CD36: variants seen among roughly 807,000 people sequenced by gnomAD.
CD36 encodes CD36 molecule (CD36 blood group).
In CD36, 119 loss-of-function variants were observed where a neutral mutation model predicts 55.2. The observed-to-expected ratio is 2.15, with a 90% CI of 1.86 to 2.51. The LOEUF is 2.51. Ranked by LOEUF, CD36 falls within the 30% of genes most tolerant of loss-of-function variation. The pLI is 0.00. For missense variants in CD36, 819 were observed against 555.5 expected, an observed-to-expected ratio of 1.47 and a Z score of -4.77; for synonymous variants, 186 against 193.6, an observed-to-expected ratio of 0.96 and a Z score of 0.33.
intron 9 of CD36, chr7:80,670,682 T>C: frequency 2.6e-6 from 1 of 389,186 alleles, no homozygotes; most frequent in Non-Finnish European, 4.7e-6. Context: ...TTTAAACTGA[T>C]CACAAATAAA....
Position 80,673,972 on chromosome 7 carries a change from C to CTTGA in CD36, c.1255-8_1255-5dup, listed in dbSNP as rs1562828126. The CTTGA allele has an allele frequency of 6.2e-7, 1 of 1,607,722 alleles. No individual in the cohort carries two copies. The highest frequency in any genetic ancestry group is 2.2e-5 in the East Asian group (1 of 44,594). ...GTACCCAAATAATGTTGATTATTAA[C>CTTGA]TTGATTACAGACTGGGACCATTGGT... On this transcript the variant is annotated splice_polypyrimidine_tract_variant and intron_variant, in intron 13 of 14. Transcript: ENST00000447544.
rs1264395787 is a variant in CD36, at chr7:80,678,860, T to A, written c.*2477T>A. 2 of 147,120 alleles carry A rather than the reference T, an allele frequency of 1.4e-5. No individual in the cohort carries two copies. Among genetic ancestry groups the A allele is most frequent in the African/African-American group, 4.9e-5 (2 of 40,758 alleles). The allele number at this position is 147,120 out of a possible 1,614,324, so 9.1% of individuals were successfully genotyped here. On this transcript the variant is annotated 3_prime_UTR_variant, in exon 15 of 15. Coordinates refer to ENST00000447544, the MANE Select transcript of CD36 (RefSeq NM_001001548.3). ...TCCATCTCAAAAAAAAAAAACAGTA[T>A]GCACGTACAAATTTCTTAACCTGTT...
At chr7:80,639,595 C>T (rs1794676139) in intron 1 of CD36, among the ~76,000 whole-genome samples, 1 of 151,712 alleles carries the variant, frequency 6.6e-6, no homozygotes, top group Admixed American at 6.6e-5. Flanking sequence ...AGAGTACATC[C>T]CAGTTTCTGA....
intron 12 of CD36, 48 bp from the exon 13 acceptor site, chr7:80,673,307 A>G (rs754928260): frequency 2.0e-5 from 17 of 852,882 alleles, no homozygotes; most frequent in Admixed American, 1.2e-4. Flanking sequence ...TTTGTTATAT[A>G]TAAATATTAG....
intron 1 of CD36, among the ~76,000 whole-genome samples, chr7:80,628,124 C>T (rs1377370661): frequency 2.0e-5 from 3 of 151,996 alleles, no homozygotes; most frequent in African/African-American, 7.2e-5. Flanking sequence ...GGTACTTCCT[C>T]TCCTACAAAA....
At chr7:80,641,878 C>T (rs1398416267) in intron 1 of CD36, among the ~76,000 whole-genome samples, 1 of 151,674 alleles carries the variant, frequency 6.6e-6, no homozygotes, top group African/African-American at 2.4e-5. Flanking sequence ...CTACTGGGTT[C>T]CCAATATAGT....
At chr7:80,635,280 T>TTTTTGG (rs1472116068), upstream of CD36, among the ~76,000 whole-genome samples, 2 of 151,764 alleles carry the variant, frequency 1.3e-5, no homozygotes, top group African/African-American at 4.8e-5. Flanking sequence ...TTTGTTGTTG[T>TTTTTGG]TTTTGTTTTT....
Position 80,671,158 on chromosome 7 carries a change from AAAG to A in CD36, c.1004_1006del (p.Glu335del), listed in dbSNP as rs3212016. 150 of 1,604,344 alleles carry A rather than the reference AAAG, an allele frequency of 9.3e-5. No homozygotes were observed. Among genetic ancestry groups the A allele is most frequent in the Middle Eastern group, 8.3e-4 (5 of 6,028 alleles). On this transcript the variant is annotated inframe_deletion, in exon 10 of 15. Transcript: ENST00000447544. Reference sequence around the variant, plus strand: ...TGGTGTGCTAGACATCAGCAAATGCAAAGAAGGTGAGTAAATAACCTCAGTAGC... The same window carrying A: ...TGGTGTGCTAGACATCAGCAAATGCAAAGGTGAGTAAATAACCTCAGTAGC...
At chr7:80,664,568 A>G in intron 7 of CD36, 71 bp downstream of exon 7, 1 of 867,118 alleles carries the variant, frequency 1.2e-6, no homozygotes, top group Non-Finnish European at 2.0e-6. Context: ...TTCATTTAAC[A>G]TCTCATAAGA....
intron 4 of CD36, among the ~76,000 whole-genome samples, chr7:80,657,915 G>A (rs892609960): frequency 3.9e-5 from 6 of 151,926 alleles, no homozygotes; most frequent in South Asian, 4.2e-4. Flanking sequence ...TTTGGTTATC[G>A]GATGATTGTA....
At chr7:80,625,614 G>A (rs1355206616) in intron 1 of CD36, among the ~76,000 whole-genome samples, 1 of 152,106 alleles carries the variant, frequency 6.6e-6, no homozygotes, top group East Asian at 1.9e-4. Context: ...TAGACAAGCT[G>A]TGATTAAATA....
At chr7:80,652,391 A>G (rs554702264) in intron 3 of CD36, among the ~76,000 whole-genome samples, 19 of 152,256 alleles carry the variant, frequency 1.2e-4, no homozygotes, top group African/African-American at 4.3e-4. Flanking sequence ...ACTCCAATAC[A>G]TTTCACCTAA....
chr7:80,644,351 A>G (rs903932930), intron 1 of CD36, among the ~76,000 whole-genome samples: 2 of 152,210 alleles, frequency 1.3e-5, no homozygotes, highest in Admixed American at 6.5e-5. Context: ...TTCCCTTTAC[A>G]TTGGAGAAAA....
rs549452910 is a variant in CD36 at position 80,607,364 on chromosome 7, G to A, written c.-184+4985G>A. Among the ~76,000 whole-genome samples the A allele has an allele frequency of 2.6e-5, 4 of 152,238 alleles. No individual in the cohort carries two copies. In the East Asian group the frequency reaches 7.7e-4, roughly 29 times the overall value. ...TTCTTTTTTTCTGAGGCTTAGGGCT[G>A]GACGTCTACTTTCAGCTGCTCTGCC... is the stretch of plus-strand genomic sequence containing the variant. On this transcript the variant is annotated intron_variant, in intron 1 of 13. Coordinates refer to the CD36 transcript ENST00000309881.
At chr7:80,670,310 T>G in intron 9 of CD36, 3 of 416,198 alleles carry the variant, frequency 7.2e-6, no homozygotes, top group South Asian at 6.7e-5. Context: ...GAGAAGATGA[T>G]GCAAATGTAA....
At chr7:80,673,271 CTAATTTATGAACATTTATTT>C in intron 12 of CD36, 64 bp from the exon 13 acceptor site, 1 of 668,522 alleles carries the variant, frequency 1.5e-6, no homozygotes, top group Non-Finnish European at 2.6e-6. Flanking sequence ...GCAACAGCAA[CTAATTTATGAACATTTATTT>C]TAAAGTTTGT....
intron 5 of CD36, among the ~76,000 whole-genome samples, chr7:80,661,462 A>G (rs1223473941): frequency 6.6e-6 from 1 of 152,162 alleles, no homozygotes; most frequent in Non-Finnish European, 1.5e-5. Flanking sequence ...TTTCAATTTT[A>G]TAACAGATTA....
intron 1 of CD36, among the ~76,000 whole-genome samples, chr7:80,607,175 C>A: frequency 6.6e-6 from 1 of 152,162 alleles, no homozygotes; most frequent in Non-Finnish European, 1.5e-5. Context: ...CTCTCCCATG[C>A]AAAACTTCTG....
At chr7:80,620,004 C>T (rs1192672082) in intron 1 of CD36, among the ~76,000 whole-genome samples, 1 of 152,060 alleles carries the variant, frequency 6.6e-6, no homozygotes, top group Non-Finnish European at 1.5e-5. Context: ...TCTAATTGAG[C>T]AAAGAAAGTG....
Sources: gnomAD v4.1 joint callset for allele counts (sites outside exome capture counted in the v4.1 genomes callset) on GRCh38, gnomAD v4.1.1 for gene constraint, MANE v1.5 for transcripts, NCBI Gene and HGNC (gene_info 2026-07-23, HGNC 2026-07-21) for gene names.